The following EEIG2 variants were observed in gnomAD, a reference collection of about 807,000 sequenced individuals.
EEIG2 encodes the protein EEIG family member 2, also known as family with sequence similarity 102 member B.
chr1:108,579,772 T>TGTGTGTGA, the EEIG2 span, among the ~76,000 whole-genome samples: 123 of 58,868 alleles, frequency 2.1e-3, no homozygotes, highest in African/African-American at 7.5e-3. Context: ...TGTGTGTGTG[T>TGTGTGTGA]GAGAGAGAGA....
chr1:108,591,156 A>G, the EEIG2 span, among the ~76,000 whole-genome samples: 1 of 152,338 alleles, frequency 6.6e-6, no homozygotes, highest in Admixed American at 6.5e-5. Context: ...ACCATTTACT[A>G]ATGTGACTTT....
At chr1:108,563,191 A>G in the EEIG2 span, among the ~76,000 whole-genome samples, 218 of 152,304 alleles carry the variant, frequency 1.4e-3, 2 homozygotes, top group African/African-American at 5.1e-3. Flanking sequence ...TACGTAAATG[A>G]TAAGAGTGGC....
chr1:108,577,860 A>T, the EEIG2 span, among the ~76,000 whole-genome samples: 2 of 150,952 alleles, frequency 1.3e-5, no homozygotes, highest in African/African-American at 2.4e-5. Context: ...CTTGATGGGG[A>T]TGGCATTGAA....
chr1:108,570,477 G>A, the EEIG2 span, among the ~76,000 whole-genome samples: 1 of 152,176 alleles, frequency 6.6e-6, no homozygotes, highest in Non-Finnish European at 1.5e-5. Context: ...CATGACCTTA[G>A]CTTTCTCAGT....
chr1:108,624,715 GGAGA>G, the EEIG2 span: 2 of 1,614,100 alleles, frequency 1.2e-6, no homozygotes, highest in African/African-American at 1.3e-5. Flanking sequence ...TAGAAAAGGT[GGAGA>G]GACTCTCAAA....
the EEIG2 span, among the ~76,000 whole-genome samples, chr1:108,602,344 C>T: frequency 6.6e-6 from 1 of 152,244 alleles, no homozygotes; most frequent in African/African-American, 2.4e-5. Flanking sequence ...GTCAGCAGGG[C>T]CATGCTCCCT....
the EEIG2 span, among the ~76,000 whole-genome samples, chr1:108,605,316 G>A: frequency 6.6e-6 from 1 of 152,186 alleles, no homozygotes; most frequent in Non-Finnish European, 1.5e-5. Context: ...GGTAGATGTA[G>A]TGGGATGGCC....
At chr1:108,608,766 A>C in the EEIG2 span, among the ~76,000 whole-genome samples, 1 of 152,228 alleles carries the variant, frequency 6.6e-6, no homozygotes, top group Non-Finnish European at 1.5e-5. Context: ...TTGGGATGCT[A>C]TAGCAGATTA....
At chr1:108,595,453 G>A in the EEIG2 span, among the ~76,000 whole-genome samples, 2 of 130,174 alleles carry the variant, frequency 1.5e-5, no homozygotes, top group Admixed American at 8.1e-5. Context: ...AGGGAAGGAG[G>A]AAGGATGGAA....
the EEIG2 span, among the ~76,000 whole-genome samples, chr1:108,615,535 G>A: frequency 0.14 from 20,747 of 151,872 alleles, 2,054 homozygotes; most frequent in African/African-American, 0.28. Flanking sequence ...AGCACTTTGG[G>A]AGGCCAAGGG....
chr1:108,614,367 T>A, the EEIG2 span, among the ~76,000 whole-genome samples: 1 of 152,220 alleles, frequency 6.6e-6, no homozygotes, highest in African/African-American at 2.4e-5. Flanking sequence ...CTGCCATTAC[T>A]AAAGCCATGC....
chr1:108,606,796 A>C, the EEIG2 span, among the ~76,000 whole-genome samples: 1 of 152,088 alleles, frequency 6.6e-6, no homozygotes. Flanking sequence ...GAGATTGTAC[A>C]CTAGTCTTTT....
the EEIG2 span, among the ~76,000 whole-genome samples, chr1:108,616,984 A>T: frequency 6.6e-6 from 1 of 152,142 alleles, no homozygotes; most frequent in East Asian, 1.9e-4. Flanking sequence ...GGTAAAGATG[A>T]TATTTGAGTA....
At chr1:108,584,792 T>A in the EEIG2 span, among the ~76,000 whole-genome samples, 5 of 152,270 alleles carry the variant, frequency 3.3e-5, no homozygotes, top group South Asian at 1.0e-3. Flanking sequence ...GGTTAACAAA[T>A]GACTTACAGG....
the EEIG2 span, among the ~76,000 whole-genome samples, chr1:108,587,875 A>T: frequency 6.6e-6 from 1 of 152,082 alleles, no homozygotes; most frequent in African/African-American, 2.4e-5. Flanking sequence ...AGGTGATGCT[A>T]TGTAGAATTT....
the EEIG2 span, among the ~76,000 whole-genome samples, chr1:108,588,325 C>T: frequency 2.0e-5 from 3 of 152,104 alleles, no homozygotes; most frequent in South Asian, 6.2e-4. Context: ...TTCTCACCAG[C>T]GGTGTGAAAG....
At chr1:108,615,229 A>G in the EEIG2 span, among the ~76,000 whole-genome samples, 2 of 152,150 alleles carry the variant, frequency 1.3e-5, no homozygotes, top group Non-Finnish European at 2.9e-5. Flanking sequence ...ATATCACTTA[A>G]TCTCCCTGAG....
At chr1:108,562,398 T>G in the EEIG2 span, among the ~76,000 whole-genome samples, 1 of 152,188 alleles carries the variant, frequency 6.6e-6, no homozygotes, top group Non-Finnish European at 1.5e-5. Flanking sequence ...AAATTTGACT[T>G]TGATCAATTT....
At chr1:108,580,591 A>T in the EEIG2 span, among the ~76,000 whole-genome samples, 1 of 152,198 alleles carries the variant, frequency 6.6e-6, no homozygotes, top group African/African-American at 2.4e-5. Flanking sequence ...CACATGAATG[A>T]TAAGGAAGTA....
Sources: allele counts gnomAD v4.1 joint callset (sites outside exome capture counted in the v4.1 genomes callset), GRCh38; gene constraint gnomAD v4.1.1; transcripts MANE v1.5; gene names NCBI Gene and HGNC (gene_info 2026-07-23, HGNC 2026-07-21).